PHYHIP: variants seen among roughly 807,000 people sequenced by gnomAD.
PHYHIP encodes phytanoyl-CoA hydroxylase-interacting protein.
Under a neutral mutation model 26.1 loss-of-function variants are expected in PHYHIP, and 7 were observed. The observed-to-expected ratio is 0.27, with a 90% CI of 0.15 to 0.50. The LOEUF (loss-of-function observed/expected upper bound fraction) is 0.50, where lower values mean the gene tolerates loss of function less well. Among genes scored for constraint, PHYHIP ranks in the 20% least tolerant of loss-of-function variants. The pLI is 0.98. For synonymous variants in PHYHIP, 206 were observed against 183.4 expected (o/e 1.12, Z -1.00); for missense variants, 232 against 454.7 (o/e 0.51, Z 4.45).
chr8:22,222,391 C>T (rs1829649065), intron 4 of PHYHIP, among the ~76,000 whole-genome samples: 1 of 152,192 alleles, frequency 6.6e-6, no homozygotes. Flanking sequence ...TCTAAAACCT[C>T]CCAGGAACAG....
chr8:22,221,359 G>A lies in PHYHIP; in HGVS notation c.987C>T (p.Gly329=). 1 of 1,582,278 alleles carries A rather than the reference G, an allele frequency of 6.3e-7. No individual in the cohort carries two copies. The highest frequency in any genetic ancestry group is 8.6e-7 in the Non-Finnish European group (1 of 1,159,720). The change falls in exon 5 of 5, where the codon GGC becomes GGT. Residue 329 remains glycine, a synonymous_variant. Coordinates refer to ENST00000454243, the MANE Select transcript of PHYHIP (RefSeq NM_014759.5). The surrounding 1 kb of genome is among the most constrained non-coding windows in gnomAD (Gnocchi z 7.9). ...PSCKTCNISV[G]R ...CCCAGCTCCCCAGGAGTCCCTAGCG[G>A]CCCACGCTGATGTTGCAGGTCTTGC...
At chr8:22,223,845 G>A (rs1411581504) in intron 4 of PHYHIP, 1 of 176,124 alleles carries the variant, frequency 5.7e-6, no homozygotes, top group Admixed American at 6.2e-5. Flanking sequence ...CGAACCCTTT[G>A]TGATCAGAAC....
chr8:22,226,361 A>G (rs751052470), intron 3 of PHYHIP, among the ~76,000 whole-genome samples: 4 of 152,182 alleles, frequency 2.6e-5, no homozygotes, highest in Non-Finnish European at 4.4e-5. Flanking sequence ...AGAAACAGAA[A>G]GTAGAATGGT....
chr8:22,227,869 G>A (rs562121716), intron 2 of PHYHIP, among the ~76,000 whole-genome samples: 24 of 152,354 alleles, frequency 1.6e-4, no homozygotes, highest in East Asian at 5.8e-4. Context: ...CACCCTACCC[G>A]GGCTCTCTGC....
chr8:22,221,776 G>A lies in PHYHIP; in HGVS notation c.570C>T (p.Phe190=), dbSNP rs377151348. The part of the protein sequence containing the change: ...HGVFFSCNTE[F]NTGQPPQDSP... ...AGTCCTGCGGGGGCTGGCCCGTGTT[G>A]AACTCCGTGTTGCAGCTGAAGAAGA... The change falls in exon 5 of 5, where the codon TTC becomes TTT. Residue 190 remains phenylalanine (F), a synonymous_variant. Transcript: ENST00000454243. This position sits in a 1 kb window ranked among gnomAD's most constrained non-coding sequence, Gnocchi z 7.9. 1.2e-6 allele frequency: 2 copies of A among 1,612,302 alleles called. No homozygotes were observed. Among genetic ancestry groups the A allele is most frequent in the African/African-American group, 2.7e-5 (2 of 74,910 alleles).
intron 2 of PHYHIP, chr8:22,227,809 G>A: frequency 4.6e-6 from 2 of 437,072 alleles, no homozygotes; most frequent in South Asian, 1.7e-5. Flanking sequence ...CCTGAGCCGG[G>A]GCTTTGTCGA....
In PHYHIP at chr8:22,226,871, G is replaced by A. The variant is rs758356973; in HGVS notation, c.320C>T (p.Thr107Met). 13 of 1,613,710 alleles carry A rather than the reference G, an allele frequency of 8.1e-6. No individual in the cohort carries two copies. The South Asian group carries it at 1.2e-4, about 15-fold the overall frequency. ...GEYLVSGWSE[T>M]VEFCTGDYAK... is the part of the protein sequence containing the mutation. Reference sequence around the variant, plus strand: ...CTCACCCCCAGTGCAGAACTCCACCGTCTCGCTCCAGCCGGACACCAGGTA... The same window carrying A: ...CTCACCCCCAGTGCAGAACTCCACCATCTCGCTCCAGCCGGACACCAGGTA... The change falls in exon 3 of 5, where the codon ACG becomes ATG. Residue 107 changes from threonine to methionine, a missense_variant. By Grantham distance (81) the Thr-to-Met change is moderately conservative. Transcript: ENST00000454243.
chr8:22,227,376 G>A (rs900670403), intron 2 of PHYHIP, among the ~76,000 whole-genome samples: 1 of 152,242 alleles, frequency 6.6e-6, no homozygotes, highest in African/African-American at 2.4e-5. Context: ...AGAAGCCAGG[G>A]AGGAAGGGAA....
intron 3 of PHYHIP, 33 bp downstream of exon 3, chr8:22,226,818 C>T: frequency 6.3e-7 from 1 of 1,581,458 alleles, no homozygotes; most frequent in South Asian, 1.1e-5. Flanking sequence ...ACGTGCCAAG[C>T]AGCAGGACAG....
rs775297878 is a variant in PHYHIP, at chr8:22,224,363, G to A, written c.341-20C>T. On this transcript the variant is annotated intron_variant, in intron 3 of 4. Coordinates refer to ENST00000454243, the MANE Select transcript of PHYHIP (RefSeq NM_014759.5). ...CATAATCTGCAAGATCCCAGATGCG[G>A]TAGGTGAGCCGAGGGCCAGCTGAGG... 2.8e-6 allele frequency: 4 copies of A among 1,450,730 alleles called. No individual in the cohort carries two copies. In the African/African-American group the frequency reaches 5.6e-5, roughly 20 times the overall value. 89.9% of individuals were successfully genotyped at this position (1,450,730 alleles called of 1,614,324 possible).
At chr8:22,223,368 A>G (rs1418616547) in intron 4 of PHYHIP, among the ~76,000 whole-genome samples, 1 of 151,356 alleles carries the variant, frequency 6.6e-6, no homozygotes, top group Non-Finnish European at 1.5e-5. Context: ...CTCAAAAAAA[A>G]AAAAAAAAAA....
chr8:22,223,982 C>A, intron 4 of PHYHIP: 1 of 474,494 alleles, frequency 2.1e-6, no homozygotes, highest in Admixed American at 3.6e-5. Flanking sequence ...CTCATTCTCC[C>A]AGGCTCATTA....
At chr8:22,224,753 A>C (rs28643315) in intron 3 of PHYHIP, among the ~76,000 whole-genome samples, 20,499 of 152,170 alleles carry the variant, frequency 0.13, 4,228 homozygotes, top group African/African-American at 0.45. Flanking sequence ...TCTCAAATAC[A>C]GTAGATAGGA....
At position 22,225,663 on chromosome 8, in the gene PHYHIP, G is replaced by C. The variant is rs181829386; in HGVS notation, c.340+1188C>G. ...TACAAAAAAAAAAAAAAAATAGCCA[G>C]GCATGGTGGTGGGCGTCTGTAATCC... On this transcript the variant is annotated intron_variant, in intron 3 of 4. Coordinates refer to ENST00000454243, the MANE Select transcript of PHYHIP (RefSeq NM_014759.5). Among the ~76,000 whole-genome samples the C allele has an allele frequency of 2.3e-3, 318 of 137,824 alleles. 3 individuals are homozygous for C. The highest frequency in any genetic ancestry group is 7.8e-3 in the African/African-American group (289 of 37,022). The allele number at this position is 137,824 out of a possible 152,430, so 90.4% of individuals were successfully genotyped here.
At chr8:22,228,453 C>A in intron 1 of PHYHIP, 67 bp from the exon 2 acceptor site, 1 of 878,060 alleles carries the variant, frequency 1.1e-6, no homozygotes, top group Non-Finnish European at 1.8e-6. Flanking sequence ...GTCCTCCTCC[C>A]AATATCCCTT....
At chr8:22,230,685 C>A (rs926596855) in intron 1 of PHYHIP, among the ~76,000 whole-genome samples, 12 of 152,170 alleles carry the variant, frequency 7.9e-5, no homozygotes, top group Non-Finnish European at 1.8e-4. Flanking sequence ...GCCCACCCAC[C>A]CGCGTCCCAC....
At chr8:22,228,651 T>C (rs4872427) in intron 1 of PHYHIP, 213,269 of 240,592 alleles carry the variant, frequency 0.89, 94,832 homozygotes, top group South Asian at 0.96. Flanking sequence ...GCAGTGGGAA[T>C]GCTGCAAAGC....
rs898918832 is a variant in PHYHIP at position 22,231,971 on chromosome 8, C to CCTGTCTG, written c.-212_-206dup. The stretch of plus-strand genomic sequence containing the variant: ...CTGCTTCCATGCCCCGCAGCCAGCT[C>CCTGTCTG]CTGTCTGGCTGTGCAGCGCGTCGCT... On this transcript the variant is annotated 5_prime_UTR_variant, in exon 1 of 5. Coordinates refer to ENST00000454243, the MANE Select transcript of PHYHIP (RefSeq NM_014759.5). 16 of 152,818 alleles carry CCTGTCTG rather than the reference C, an allele frequency of 1.0e-4. No homozygotes were observed. Among genetic ancestry groups the CCTGTCTG allele is most frequent in the African/African-American group, 2.6e-4 (11 of 41,578 alleles). 9.5% of individuals were successfully genotyped at this position (152,818 alleles called of 1,614,324 possible).
At chr8:22,225,542 C>T (rs987909183) in intron 3 of PHYHIP, among the ~76,000 whole-genome samples, 1 of 151,530 alleles carries the variant, frequency 6.6e-6, no homozygotes, top group Non-Finnish European at 1.5e-5. Context: ...TGCCTGTAAT[C>T]GCAGCACTTT....
Sources: allele counts gnomAD v4.1 joint callset (sites outside exome capture counted in the v4.1 genomes callset), GRCh38; gene constraint gnomAD v4.1.1; non-coding constraint Gnocchi (gnomAD v3.1); transcripts MANE v1.5; gene names NCBI Gene and HGNC (gene_info 2026-07-23, HGNC 2026-07-21).